Variants in LRFN5 observed in about 807,000 individuals in gnomAD.
LRFN5 encodes the protein leucine rich repeat and fibronectin type III domain containing 5.
In LRFN5, 24 loss-of-function variants were observed where a neutral mutation model predicts 45.6. That is an observed-to-expected ratio of 0.53 (90% CI 0.38 to 0.74). LRFN5 has a LOEUF of 0.74. Among genes scored for constraint, LRFN5 ranks in the 30% least tolerant of loss-of-function variants. LRFN5 has a pLI of 0.00. For missense variants in LRFN5, 776 were observed against 861.5 expected (o/e 0.90, Z 1.24); for synonymous variants, 340 against 313.8 (o/e 1.08, Z -0.88).
At chr14:41,879,765 T>C (rs938349301) in intron 2 of LRFN5, among the ~76,000 whole-genome samples, 4 of 84,144 alleles carry the variant, frequency 4.8e-5, no homozygotes, top group Admixed American at 1.2e-4. Context: ...AGTTTGGTAA[T>C]TTGCATTTTT....
chr14:41,711,872 G>T (rs57030650), intron 1 of LRFN5, among the ~76,000 whole-genome samples: 1 of 152,164 alleles, frequency 6.6e-6, no homozygotes, highest in Non-Finnish European at 1.5e-5. Context: ...AAACCGTTTT[G>T]TGTGTGTGCA....
chr14:41,812,545 A>G (rs1251180121), intron 2 of LRFN5, among the ~76,000 whole-genome samples: 1 of 151,934 alleles, frequency 6.6e-6, no homozygotes, highest in Non-Finnish European at 1.5e-5. Flanking sequence ...ATACAAAGGC[A>G]CACAGAAAAC....
At chr14:41,802,065 C>T (rs1218054340) in intron 2 of LRFN5, among the ~76,000 whole-genome samples, 3 of 152,090 alleles carry the variant, frequency 2.0e-5, no homozygotes, top group South Asian at 2.1e-4. Context: ...TGATTTAATG[C>T]GTCTTTCTGT....
At position 41,897,068 on chromosome 14, in the gene LRFN5, G is replaced by A. The variant is rs536000001; in HGVS notation, c.2099-1849G>A. On this transcript the variant is annotated intron_variant, in intron 4 of 5. Transcript: ENST00000298119. ...GATCGTGCCACTGAACTCCAGCCTG[G>A]TGACAGAGTGAGACTCTGTCAAAAT... 9.3e-5 allele frequency among the ~76,000 whole-genome samples: 14 copies of A among 151,292 alleles called. No homozygotes were observed. In the East Asian group the frequency reaches 2.1e-3, roughly 23 times the overall value.
At chr14:41,744,405 C>G (rs556010535) in intron 1 of LRFN5, among the ~76,000 whole-genome samples, 1 of 151,860 alleles carries the variant, frequency 6.6e-6, no homozygotes, top group Non-Finnish European at 1.5e-5. Context: ...TAAATTTAAC[C>G]ATTTCAATAC....
chr14:41,613,838 A>G (rs1325005389), intron 1 of LRFN5, among the ~76,000 whole-genome samples: 1 of 151,958 alleles, frequency 6.6e-6, no homozygotes, highest in Non-Finnish European at 1.5e-5. Context: ...TTTTCACTCC[A>G]CCATGTTCAG....
chr14:41,869,723 G>A lies in LRFN5; in HGVS notation c.-20-16883G>A, dbSNP rs144340533. ...CTTACATGGTGGCAGACAAGAGAGA[G>A]CTTGTGCAGGGAAACTCCCCCTTAT... On this transcript the variant is annotated intron_variant, in intron 2 of 5. Coordinates refer to ENST00000298119, the MANE Select transcript of LRFN5 (RefSeq NM_152447.5). 4.1e-4 allele frequency among the ~76,000 whole-genome samples: 63 copies of A among 152,154 alleles called. No individual in the cohort carries two copies. In the East Asian group the frequency reaches 0.011, roughly 28 times the overall value.
At chr14:41,867,846 T>G (rs938123835) in intron 2 of LRFN5, among the ~76,000 whole-genome samples, 5 of 150,872 alleles carry the variant, frequency 3.3e-5, no homozygotes, top group African/African-American at 7.5e-5. Context: ...TTATGCTAAC[T>G]GGGAATATTT....
intron 1 of LRFN5, among the ~76,000 whole-genome samples, chr14:41,684,899 C>T (rs1378018367): frequency 1.3e-5 from 2 of 152,084 alleles, no homozygotes; most frequent in African/African-American, 2.4e-5. Flanking sequence ...GCAAACTATC[C>T]ATCTGACAAG....
intron 2 of LRFN5, among the ~76,000 whole-genome samples, chr14:41,874,869 T>A (rs542795995): frequency 6.6e-6 from 1 of 152,278 alleles, no homozygotes; most frequent in African/African-American, 2.4e-5. Context: ...CTTCTTCACA[T>A]GGTGGCAGCA....
intron 1 of LRFN5, among the ~76,000 whole-genome samples, chr14:41,709,029 T>C (rs1883180617): frequency 6.6e-6 from 1 of 151,976 alleles, no homozygotes; most frequent in Non-Finnish European, 1.5e-5. Context: ...ATTCTAGGTT[T>C]ATTTTTCTTT....
chr14:41,817,092 T>G (rs1476208136), intron 2 of LRFN5, among the ~76,000 whole-genome samples: 1 of 151,790 alleles, frequency 6.6e-6, no homozygotes, highest in Non-Finnish European at 1.5e-5. Context: ...AATTCTTTAT[T>G]TCTGTTACAA....
intron 1 of LRFN5, among the ~76,000 whole-genome samples, chr14:41,680,126 T>G (rs1158011237): frequency 2.0e-5 from 3 of 151,966 alleles, no homozygotes; most frequent in African/African-American, 7.3e-5. Context: ...ATCCCTAAGG[T>G]TTACAACTCC....
At chr14:41,814,972 A>G (rs1254694501) in intron 2 of LRFN5, among the ~76,000 whole-genome samples, 1 of 152,136 alleles carries the variant, frequency 6.6e-6, no homozygotes, top group African/African-American at 2.4e-5. Flanking sequence ...ATCCATCGAA[A>G]AAAGCATGGA....
intron 1 of LRFN5, among the ~76,000 whole-genome samples, chr14:41,764,822 A>ACATATATATGATTATATATGCAGAATG (rs1885811381): frequency 6.6e-6 from 1 of 150,582 alleles, no homozygotes; most frequent in Non-Finnish European, 1.5e-5. Flanking sequence ...TATGCAGAAT[A>ACATATATATGATTATATATGCAGAATG]CATATATATG....
chr14:41,781,561 A>AAAGAAAGAAAG (rs1886489763), intron 2 of LRFN5, among the ~76,000 whole-genome samples: 1 of 16,816 alleles, frequency 5.9e-5, no homozygotes, highest in Non-Finnish European at 1.0e-4. Flanking sequence ...AAAGAAAGAG[A>AAAGAAAGAAAG]AAGAAAGAAA....
At chr14:41,769,003 A>G (rs1259509065) in intron 2 of LRFN5, among the ~76,000 whole-genome samples, 1 of 152,138 alleles carries the variant, frequency 6.6e-6, no homozygotes, top group Admixed American at 6.5e-5. Context: ...ATTAGCGTGT[A>G]GAAGTAGTAC....
At chr14:41,634,545 A>G (rs1433415484) in intron 1 of LRFN5, among the ~76,000 whole-genome samples, 2 of 152,210 alleles carry the variant, frequency 1.3e-5, no homozygotes, top group Non-Finnish European at 2.9e-5. Flanking sequence ...TAATTTGGTA[A>G]CTAGGGAAGG....
intron 2 of LRFN5, among the ~76,000 whole-genome samples, chr14:41,803,281 A>G (rs1245124122): frequency 1.3e-5 from 2 of 152,190 alleles, no homozygotes; most frequent in Admixed American, 6.5e-5. Context: ...CCAAAACTAC[A>G]TACCGTACCT....
Sources: allele counts gnomAD v4.1 joint callset (sites outside exome capture counted in the v4.1 genomes callset), GRCh38; gene constraint gnomAD v4.1.1; transcripts MANE v1.5; gene names NCBI Gene and HGNC (gene_info 2026-07-23, HGNC 2026-07-21).